The following SASH1 variants were observed in gnomAD, a reference collection of about 807,000 sequenced individuals.
The protein encoded by SASH1 is SAM and SH3 domain containing 1.
In SASH1, 44 loss-of-function variants were observed where a neutral mutation model predicts 125.2. The observed-to-expected ratio is 0.35, with a 90% CI of 0.28 to 0.45. The LOEUF is 0.45. SASH1 is among the 20% of genes least tolerant of loss of function. SASH1 has a pLI of 1.00. For synonymous variants in SASH1, 639 were observed against 649.1 expected (o/e 0.98, Z 0.24); for missense variants, 1,426 against 1,614.5 (o/e 0.88, Z 2.00).
At chr6:148,444,293 T>C (rs757739740) in intron 4 of SASH1, among the ~76,000 whole-genome samples, 15 of 152,298 alleles carry the variant, frequency 9.8e-5, no homozygotes, top group South Asian at 2.1e-4. Flanking sequence ...CTGTCAGTAG[T>C]ATTTAGCATT....
intron 1 of SASH1, among the ~76,000 whole-genome samples, chr6:148,320,661 C>G (rs1390602011): frequency 6.6e-6 from 1 of 152,238 alleles, no homozygotes; most frequent in Admixed American, 6.5e-5. Context: ...ATCCATCTGC[C>G]TTGAGCTTTG....
At chr6:148,368,703 A>G (rs1306442139) in intron 1 of SASH1, among the ~76,000 whole-genome samples, 1 of 148,098 alleles carries the variant, frequency 6.8e-6, no homozygotes, top group Non-Finnish European at 1.5e-5. Context: ...ACAGATGCTC[A>G]ATAAATGGAA....
At chr6:148,390,740 AT>A (rs1783676712) in intron 2 of SASH1, among the ~76,000 whole-genome samples, 1 of 151,494 alleles carries the variant, frequency 6.6e-6, no homozygotes, top group Non-Finnish European at 1.5e-5. Context: ...GTGAGCCAAG[AT>A]CACGCCACTG....
chr6:148,381,268 C>G (rs780157224), intron 1 of SASH1, among the ~76,000 whole-genome samples: 6 of 152,160 alleles, frequency 3.9e-5, no homozygotes, highest in Non-Finnish European at 8.8e-5. Context: ...ATGACTAGTT[C>G]ATGCATAAGA....
the SASH1 span, among the ~76,000 whole-genome samples, chr6:148,197,549 C>T: frequency 6.6e-6 from 1 of 152,196 alleles, no homozygotes; most frequent in South Asian, 2.1e-4. Flanking sequence ...CTCTTGCAGG[C>T]CACCCTCCTG....
At chr6:148,262,757 C>A in the SASH1 span, among the ~76,000 whole-genome samples, 7 of 152,172 alleles carry the variant, frequency 4.6e-5, no homozygotes, top group Non-Finnish European at 2.9e-5. Flanking sequence ...GTGGCAGGCA[C>A]CTGCAATCCC....
chr6:148,334,968 C>CGT (rs1781109007), intron 1 of SASH1, among the ~76,000 whole-genome samples: 1 of 82,394 alleles, frequency 1.2e-5, no homozygotes. Context: ...AGTGAGACTC[C>CGT]ATCTCAAAAA....
At chr6:148,229,361 TG>T in the SASH1 span, among the ~76,000 whole-genome samples, 2 of 152,162 alleles carry the variant, frequency 1.3e-5, no homozygotes, top group Non-Finnish European at 2.9e-5. Flanking sequence ...TGATGCAAAC[TG>T]TATTCATTTA....
At chr6:148,510,609 A>G (rs1780056980) in intron 8 of SASH1, among the ~76,000 whole-genome samples, 1 of 152,076 alleles carries the variant, frequency 6.6e-6, no homozygotes, top group African/African-American at 2.4e-5. Flanking sequence ...TTTAAAATAT[A>G]CATAGTATTT....
At chr6:148,263,933 C>G in the SASH1 span, among the ~76,000 whole-genome samples, 27 of 152,088 alleles carry the variant, frequency 1.8e-4, no homozygotes, top group Admixed American at 3.3e-4. Context: ...ATTGGGGATG[C>G]TAAGAGCTCT....
intron 10 of SASH1, 109 bp from the exon 11 acceptor site, chr6:148,525,182 A>G: frequency 1.3e-6 from 1 of 761,452 alleles, no homozygotes; most frequent in Non-Finnish European, 2.4e-6. Flanking sequence ...CATCCTGTCC[A>G]CGTATTTGTG....
chr6:148,519,871 G>T lies in SASH1; in HGVS notation c.1187G>T (p.Gly396Val), dbSNP rs1321845899. 6.3e-7 allele frequency: 1 copy of T among 1,586,186 alleles called. No homozygotes were observed. The highest frequency in any genetic ancestry group is 1.1e-5 in the South Asian group (1 of 88,024). The change falls in exon 10 of 20, where the codon GGT (glycine) becomes GTT (valine). Residue 396 changes from glycine (G) to valine (V), a missense_variant. By Grantham distance (109) the Gly-to-Val change is moderately radical (BLOSUM62 -3). Transcript: ENST00000367467. The surrounding 1 kb of genome is among the most constrained non-coding windows in gnomAD (Gnocchi z 4.8). ...RSLTEGEMKK[G>V]LGSLSHGRTC... ...CTCACCGAGGGGGAGATGAAGAAGG[G>T]TCTCGGGTCCCTAAGCCACGGGGTA...
At chr6:148,434,063 A>ATTTTTT (rs758854072) in intron 2 of SASH1, among the ~76,000 whole-genome samples, 2 of 69,360 alleles carry the variant, frequency 2.9e-5, no homozygotes, top group Non-Finnish European at 5.1e-5. Flanking sequence ...GGAACTGGAG[A>ATTTTTT]TTTTTTTTTT....
intron 2 of SASH1, among the ~76,000 whole-genome samples, chr6:148,401,533 G>C (rs1378179885): frequency 1.3e-5 from 2 of 152,132 alleles, no homozygotes; most frequent in African/African-American, 4.8e-5. Context: ...TCTAAGTTCA[G>C]GAGTAAGCCA....
At chr6:148,384,419 G>T (rs927725702) in intron 1 of SASH1, among the ~76,000 whole-genome samples, 1 of 152,130 alleles carries the variant, frequency 6.6e-6, no homozygotes, top group Non-Finnish European at 1.5e-5. Context: ...TTTTAATCAT[G>T]ATATTTATTA....
intron 8 of SASH1, among the ~76,000 whole-genome samples, chr6:148,491,650 A>G (rs145505218): frequency 3.4e-4 from 52 of 152,054 alleles, no homozygotes; most frequent in African/African-American, 1.2e-3. Context: ...CTTTTTTTCT[A>G]TCTAAGCAAC....
intron 1 of SASH1, among the ~76,000 whole-genome samples, chr6:148,282,982 A>C (rs1358250453): frequency 6.6e-6 from 1 of 152,156 alleles, no homozygotes; most frequent in Non-Finnish European, 1.5e-5. Context: ...GAACGCCTGG[A>C]GTCAGGAATA....
At chr6:148,396,870 T>C (rs1382244461) in intron 2 of SASH1, among the ~76,000 whole-genome samples, 2 of 152,172 alleles carry the variant, frequency 1.3e-5, no homozygotes, top group Non-Finnish European at 1.5e-5. Flanking sequence ...CTCAAAGTTA[T>C]TAGAGGCTTA....
chr6:148,416,094 G>T (rs6910915), intron 2 of SASH1, among the ~76,000 whole-genome samples: 18,026 of 152,168 alleles, frequency 0.12, 1,217 homozygotes, highest in Admixed American at 0.22. Context: ...CAGGTTACAG[G>T]CATCACAGAT....
Sources: gnomAD v4.1 joint callset for allele counts (sites outside exome capture counted in the v4.1 genomes callset) on GRCh38, gnomAD v4.1.1 for gene constraint, Gnocchi (gnomAD v3.1) non-coding constraint, MANE v1.5 for transcripts, NCBI Gene and HGNC (gene_info 2026-07-23, HGNC 2026-07-21) for gene names.